Variants in KLF12 observed in about 807,000 individuals in gnomAD.
KLF12 encodes Krueppel-like factor 12.
A neutral mutation model predicts 37.8 loss-of-function variants in KLF12; 9 were observed. The ratio of observed to expected loss-of-function variants is 0.24; its 90% CI spans 0.14 to 0.42. The LOEUF (loss-of-function observed/expected upper bound fraction) is 0.42, where lower values mean the gene tolerates loss of function less well. Ranked by LOEUF, KLF12 falls within the 10% of genes least tolerant of loss-of-function variation. The pLI, the probability that KLF12 is intolerant of heterozygous loss-of-function variation, is 1.00. For synonymous variants in KLF12, 208 were observed against 202.1 expected, an observed-to-expected ratio of 1.03 and a Z score of -0.25; for missense variants, 411 against 516.0, an observed-to-expected ratio of 0.80 and a Z score of 1.97.
chr13:74,189,773 CT>C, the KLF12 span, among the ~76,000 whole-genome samples: 2 of 152,102 alleles, frequency 1.3e-5, no homozygotes, highest in Non-Finnish European at 1.5e-5. Flanking sequence ...CTTTTCACAT[CT>C]TTTTTTCATC....
intron 2 of KLF12, among the ~76,000 whole-genome samples, chr13:73,957,838 C>T (rs564629866): frequency 4.6e-5 from 7 of 151,854 alleles, no homozygotes; most frequent in Non-Finnish European, 7.4e-5. Context: ...GCTAAAGAAA[C>T]GAGGGAAGGG....
At chr13:74,134,275 C>T (rs552009745), upstream of KLF12, among the ~76,000 whole-genome samples, 2 of 152,174 alleles carry the variant, frequency 1.3e-5, no homozygotes, top group East Asian at 3.9e-4. Flanking sequence ...CCGGCGAGCC[C>T]CGGGGTGGGG....
intron 1 of KLF12, among the ~76,000 whole-genome samples, chr13:74,130,427 G>A (rs1878196387): frequency 6.6e-6 from 1 of 152,126 alleles, no homozygotes; most frequent in Admixed American, 6.5e-5. Flanking sequence ...CCAGCACTTT[G>A]GCAGGAGGTT....
chr13:74,020,426 T>C (rs17061966), intron 1 of KLF12, among the ~76,000 whole-genome samples: 2,942 of 152,250 alleles, frequency 0.019, 77 homozygotes, highest in African/African-American at 0.066. Flanking sequence ...TTAGCACGAA[T>C]AGGAAGCTTG....
chr13:73,857,974 TC>T (rs926171333), intron 3 of KLF12, among the ~76,000 whole-genome samples: 1 of 152,066 alleles, frequency 6.6e-6, no homozygotes, highest in Non-Finnish European at 1.5e-5. Flanking sequence ...CTTAATTTTG[TC>T]CCCCCAAAGC....
rs566516883 is a variant in KLF12, at chr13:73,789,422, A to C, written c.806+23730T>G. Among the ~76,000 whole-genome samples the C allele has an allele frequency of 3.3e-5, 5 of 152,214 alleles. No individual in the cohort carries two copies. The East Asian group carries it at 5.8e-4, about 18-fold the overall frequency. The stretch of plus-strand genomic sequence containing the variant: ...AGAGAGAAATAAGCACCAATTCTAC[A>C]CATACTTCTTTTTTCACCACCCTGA... On this transcript the variant is annotated intron_variant, in intron 5 of 7. Transcript: ENST00000377669.
At chr13:74,059,625 A>C (rs1873456808) in intron 1 of KLF12, among the ~76,000 whole-genome samples, 3 of 151,932 alleles carry the variant, frequency 2.0e-5, no homozygotes, top group Admixed American at 2.0e-4. Context: ...TCCACTTTTT[A>C]ATGGAGTTTT....
At chr13:73,951,429 C>A (rs1228321035) in intron 2 of KLF12, among the ~76,000 whole-genome samples, 2 of 152,124 alleles carry the variant, frequency 1.3e-5, no homozygotes, top group East Asian at 1.9e-4. Flanking sequence ...ATGAAAATGA[C>A]AATGAGTCTA....
chr13:73,721,714 G>C (rs1300052122), intron 6 of KLF12, among the ~76,000 whole-genome samples: 1 of 112,338 alleles, frequency 8.9e-6, no homozygotes, highest in Non-Finnish European at 2.1e-5. Flanking sequence ...ACCATGCCTA[G>C]TTAATTTTTT....
chr13:74,172,959 C>T, the KLF12 span, among the ~76,000 whole-genome samples: 6 of 152,180 alleles, frequency 3.9e-5, no homozygotes, highest in Non-Finnish European at 8.8e-5. Context: ...GAAATACGCC[C>T]GTACCTCTCT....
At chr13:74,272,049 A>ATTAT in the KLF12 span, among the ~76,000 whole-genome samples, 2 of 152,196 alleles carry the variant, frequency 1.3e-5, no homozygotes, top group African/African-American at 4.8e-5. Flanking sequence ...AACATAGTTT[A>ATTAT]TTATTTATTT....
intron 1 of KLF12, among the ~76,000 whole-genome samples, chr13:74,127,642 A>T (rs1878016546): frequency 6.6e-6 from 1 of 152,236 alleles, no homozygotes; most frequent in Non-Finnish European, 1.5e-5. Context: ...GTTTAAAAAA[A>T]TTGTTTTTGT....
chr13:73,744,475 A>T (rs1535801), intron 6 of KLF12, among the ~76,000 whole-genome samples: 70,227 of 151,386 alleles, frequency 0.46, 18,012 homozygotes, highest in African/African-American at 0.69. Flanking sequence ...TAAACCCTTT[A>T]GGCACGCTGG....
At chr13:73,744,692 G>A (rs1233143555) in intron 6 of KLF12, among the ~76,000 whole-genome samples, 4 of 152,288 alleles carry the variant, frequency 2.6e-5, no homozygotes, top group East Asian at 3.9e-4. Context: ...GCAACGCAGG[G>A]AAGGAAAGCC....
At chr13:73,727,297 C>G (rs78315169) in intron 6 of KLF12, among the ~76,000 whole-genome samples, 1 of 152,204 alleles carries the variant, frequency 6.6e-6, no homozygotes, top group Non-Finnish European at 1.5e-5. Flanking sequence ...AGATTTACTC[C>G]TATGTTTTAA....
intron 3 of KLF12, 25 bp downstream of exon 3, chr13:73,943,956 G>C (rs745485081): frequency 2.4e-5 from 34 of 1,420,004 alleles, no homozygotes; most frequent in Non-Finnish European, 3.2e-5. Flanking sequence ...AAAGGAGTGG[G>C]GCATTGCTGG....
intron 6 of KLF12, among the ~76,000 whole-genome samples, chr13:73,744,251 G>A (rs1281400177): frequency 1.3e-5 from 2 of 152,144 alleles, no homozygotes; most frequent in African/African-American, 2.4e-5. Flanking sequence ...GATGTGCCAG[G>A]GCTGTTGCAA....
At position 73,688,213 on chromosome 13, in the gene KLF12, A is replaced by G. The variant is rs977588383; in HGVS notation, c.*7277T>C. The G allele has an allele frequency of 6.6e-6, 1 of 152,666 alleles. No homozygotes were observed. Among genetic ancestry groups the G allele is most frequent in the Non-Finnish European group, 1.5e-5 (1 of 68,042 alleles). 9.5% of individuals were successfully genotyped at this position (152,666 alleles called of 1,614,324 possible). A position where few individuals can be genotyped will look rare whatever the true frequency, so the allele number is the denominator to read the frequency against. On this transcript the variant is annotated 3_prime_UTR_variant, in exon 8 of 8. Transcript: ENST00000377669. ...CTGTCAGAGACCTTGTTCTACACAG[A>G]AAGTGGGAGGAATTTCATTTCTCTG...
At chr13:74,149,456 C>T in the KLF12 span, among the ~76,000 whole-genome samples, 4 of 152,146 alleles carry the variant, frequency 2.6e-5, no homozygotes, top group Non-Finnish European at 4.4e-5. Flanking sequence ...TTCATTCTCT[C>T]ATAGCTCACG....
Sources: allele counts gnomAD v4.1 joint callset (sites outside exome capture counted in the v4.1 genomes callset), GRCh38; gene constraint gnomAD v4.1.1; transcripts MANE v1.5; gene names NCBI Gene and HGNC (gene_info 2026-07-23, HGNC 2026-07-21).